Variants in ZNF367 observed in about 807,000 individuals in gnomAD.
ZNF367 encodes C2H2 zinc finger protein ZFF29.
A neutral mutation model predicts 31.8 loss-of-function variants in ZNF367; 11 were observed. The observed-to-expected ratio is 0.35, with a 90% CI of 0.22 to 0.57. The LOEUF (loss-of-function observed/expected upper bound fraction) is 0.57. ZNF367 is among the 20% of genes least tolerant of loss of function. The pLI, the probability that ZNF367 is intolerant of heterozygous loss-of-function variation, is 0.85. For synonymous variants in ZNF367, 199 were observed against 202.4 expected (o/e 0.98, Z 0.14); for missense variants, 353 against 484.1 (o/e 0.73, Z 2.54).
rs1831860937 is a variant in ZNF367 at position 96,418,090 on chromosome 9, GC to G, written c.-59del. On this transcript the variant is annotated 5_prime_UTR_variant, in exon 1 of 5. Coordinates refer to ENST00000375256, the MANE Select transcript of ZNF367 (RefSeq NM_153695.4). ...GGGCCGCACTCCTGAGCACCGCTCT[GC>G]CCCTCACTCGCTCTGCTCCGAGTCG... 1.5e-6 allele frequency: 2 copies of G among 1,315,734 alleles called. No individual in the cohort carries two copies. The highest frequency in any genetic ancestry group is 1.9e-6 in the Non-Finnish European group (2 of 1,033,770). The allele number at this position is 1,315,734 out of a possible 1,614,324, so 81.5% of individuals were successfully genotyped here. A position where few individuals can be genotyped will look rare whatever the true frequency, so the allele number is the denominator to read the frequency against.
At chr9:96,403,157 A>G (rs1241457190) in intron 1 of ZNF367, among the ~76,000 whole-genome samples, 1 of 152,088 alleles carries the variant, frequency 6.6e-6, no homozygotes, top group Non-Finnish European at 1.5e-5. Flanking sequence ...TTTAGTAGAG[A>G]CATGGTTTCA....
chr9:96,411,716 A>T (rs1163853746), intron 1 of ZNF367, among the ~76,000 whole-genome samples: 1 of 152,224 alleles, frequency 6.6e-6, no homozygotes, highest in East Asian at 1.9e-4. Flanking sequence ...CCAGCAACAC[A>T]TTTATATTTT....
chr9:96,416,187 C>A (rs924283970), intron 1 of ZNF367, among the ~76,000 whole-genome samples: 10 of 151,018 alleles, frequency 6.6e-5, no homozygotes, highest in African/African-American at 2.2e-4. Flanking sequence ...TCCCGCTTCA[C>A]GCCATTCTCC....
chr9:96,404,709 T>C (rs1265414019), intron 1 of ZNF367, among the ~76,000 whole-genome samples: 1 of 152,052 alleles, frequency 6.6e-6, no homozygotes, highest in Admixed American at 6.6e-5. Flanking sequence ...ATTTTTTTAA[T>C]GGATTCTTAG....
chr9:96,405,754 G>C (rs1446647495), intron 1 of ZNF367, among the ~76,000 whole-genome samples: 1 of 152,170 alleles, frequency 6.6e-6, no homozygotes, highest in African/African-American at 2.4e-5. Flanking sequence ...AATCCATAGA[G>C]ACAGAAAGTA....
intron 4 of ZNF367, among the ~76,000 whole-genome samples, chr9:96,391,561 T>C (rs993284653): frequency 6.6e-6 from 1 of 152,174 alleles, no homozygotes; most frequent in African/African-American, 2.4e-5. Flanking sequence ...CTAGGAATCC[T>C]GGACTTTACC....
intron 2 of ZNF367, among the ~76,000 whole-genome samples, chr9:96,395,332 CTT>C (rs1054351609): frequency 4.6e-5 from 7 of 152,174 alleles, no homozygotes; most frequent in African/African-American, 1.2e-4. Flanking sequence ...TGGCCGGCCT[CTT>C]GTTTCTCCCC....
chr9:96,414,747 A>T (rs1343421802), intron 1 of ZNF367, among the ~76,000 whole-genome samples: 1 of 152,190 alleles, frequency 6.6e-6, no homozygotes, highest in African/African-American at 2.4e-5. Flanking sequence ...AAGTGCTGGG[A>T]TTACAGGCGT....
At position 96,398,331 on chromosome 9, in the gene ZNF367, T is replaced by A; in HGVS notation, c.421-17A>T. The stretch of plus-strand genomic sequence containing the variant: ...GATTCCATCCTGTTGATAATTTTTA[T>A]AAACATTAATATAATTTATTTAACG... On this transcript the variant is annotated splice_polypyrimidine_tract_variant and intron_variant, in intron 1 of 4. Coordinates refer to ENST00000375256, the MANE Select transcript of ZNF367 (RefSeq NM_153695.4). The A allele has an allele frequency of 1.3e-6, 2 of 1,589,958 alleles. No individual in the cohort carries two copies.
chr9:96,417,896 C>T lies in ZNF367; in HGVS notation c.137G>A (p.Gly46Asp). ...CGGCGGCGGCTCCGGCTCCCCTCCA[C>T]CGCCGCACGTTGGCTTGATCGGGGT... is the stretch of plus-strand genomic sequence containing the variant. ...RTTPIKPTCG[G>D]GGEPEPPPPL... Residue 46 changes from glycine to aspartate, a missense_variant, in exon 1 of 5, where the codon GGT becomes GAT. Physicochemically the swap from Gly to Asp is moderately conservative, Grantham distance 94. This residue lies in a region of ZNF367 where 94 missense variants were observed against 86.7 expected (regional missense o/e 1.08). Coordinates refer to ENST00000375256, the MANE Select transcript of ZNF367 (RefSeq NM_153695.4). This position sits in a 1 kb window ranked among gnomAD's most constrained non-coding sequence, Gnocchi z 5.0. The T allele has an allele frequency of 1.3e-6, 2 of 1,522,558 alleles. No individual in the cohort carries two copies. The highest frequency in any genetic ancestry group is 2.7e-5 in the East Asian group (1 of 36,982). The allele number at this position is 1,522,558 out of a possible 1,614,324, so 94.3% of individuals were successfully genotyped here. A position where few individuals can be genotyped will look rare whatever the true frequency, so the allele number is the denominator to read the frequency against.
Position 96,392,382 on chromosome 9 carries a change from A to C in ZNF367, c.830+16T>G. 6.2e-7 allele frequency: 1 copy of C among 1,614,150 alleles called. No individual in the cohort carries two copies. Among genetic ancestry groups the C allele is most frequent in the Non-Finnish European group, 8.5e-7 (1 of 1,180,040 alleles). On this transcript the variant is annotated intron_variant, in intron 4 of 4. Transcript: ENST00000375256. ...GCTGTGCATCTTCACGGTGGACTAAAGGCAGCATTCCTGACCTCGCCAGCC... is the reference window on the plus strand; with the variant it reads ...GCTGTGCATCTTCACGGTGGACTAACGGCAGCATTCCTGACCTCGCCAGCC...
intron 1 of ZNF367, among the ~76,000 whole-genome samples, chr9:96,405,010 C>G (rs1831654021): frequency 6.6e-6 from 1 of 152,060 alleles, no homozygotes. Context: ...GTTATATGGC[C>G]AGCAAATACA....
intron 2 of ZNF367, among the ~76,000 whole-genome samples, chr9:96,395,277 C>T (rs2131072724): frequency 6.6e-6 from 1 of 152,250 alleles, no homozygotes; most frequent in South Asian, 2.1e-4. Flanking sequence ...TTCCCCTGGT[C>T]AGACGGGCAG....
chr9:96,388,251 G>A lies in ZNF367; in HGVS notation c.1039C>T (p.Pro347Ser). ...CAGTGTCCAAGCTACTGTCGGAGTG[G>A]CGCCCCAGTCAGGTTGGCAAGCTCT... The part of the protein sequence containing the change: ...LIELANLTGA[P>S]LRQ Residue 347 changes from proline to serine, a missense_variant, in exon 5 of 5, where the codon CCA becomes TCA. Pro to Ser is a moderately conservative substitution (Grantham distance 74). Around this residue, in one of 5 missense-constraint regions of ZNF367, gnomAD observed 101 missense variants for 140.0 expected, o/e 0.72. Coordinates refer to ENST00000375256, the MANE Select transcript of ZNF367 (RefSeq NM_153695.4). 1 of 1,611,088 alleles carries A rather than the reference G, an allele frequency of 6.2e-7. No homozygotes were observed. The highest frequency in any genetic ancestry group is 8.5e-7 in the Non-Finnish European group (1 of 1,179,548).
At position 96,388,139 on chromosome 9, in the gene ZNF367, C is replaced by A. The variant is rs1208284094; in HGVS notation, c.*98G>T. 8.3e-7 allele frequency: 1 copy of A among 1,198,520 alleles called. No homozygotes were observed. The highest frequency in any genetic ancestry group is 1.2e-6 in the Non-Finnish European group (1 of 860,460). 74.2% of individuals were successfully genotyped at this position (1,198,520 alleles called of 1,614,324 possible). On this transcript the variant is annotated 3_prime_UTR_variant, in exon 5 of 5. Transcript: ENST00000375256. ...TCATAAATTTCTACAGAATAGCAGC[C>A]TATGATAAGCAAATAAGGTGCTTAG...
chr9:96,389,881 C>A (rs897761962), intron 4 of ZNF367, among the ~76,000 whole-genome samples: 3 of 151,542 alleles, frequency 2.0e-5, no homozygotes, highest in Admixed American at 6.6e-5. Flanking sequence ...AGGCGCCCAC[C>A]ACCATGCCTG....
At chr9:96,415,376 C>T (rs1344473255) in intron 1 of ZNF367, among the ~76,000 whole-genome samples, 1 of 149,730 alleles carries the variant, frequency 6.7e-6, no homozygotes, top group African/African-American at 2.5e-5. Context: ...GATACCGATC[C>T]ATCTTACATC....
chr9:96,407,517 T>C (rs1587747553), intron 1 of ZNF367: 14 of 1,269,850 alleles, frequency 1.1e-5, no homozygotes, highest in Non-Finnish European at 2.3e-6. Context: ...AACAAAAGAA[T>C]GATGAAAAGA....
intron 1 of ZNF367, among the ~76,000 whole-genome samples, chr9:96,409,677 G>A (rs2131080914): frequency 6.6e-6 from 1 of 152,294 alleles, no homozygotes; most frequent in East Asian, 1.9e-4. Flanking sequence ...CATGATTGGT[G>A]GTCATCAAAT....
Sources: gnomAD v4.1 joint callset for allele counts (sites outside exome capture counted in the v4.1 genomes callset) on GRCh38, gnomAD v4.1.1 for gene constraint, gnomAD v4.1.1 regional missense constraint, Gnocchi (gnomAD v3.1) non-coding constraint, MANE v1.5 for transcripts, NCBI Gene and HGNC (gene_info 2026-07-23, HGNC 2026-07-21) for gene names.